The following KATNIP variants were observed in gnomAD, a reference collection of about 807,000 sequenced individuals.
The protein encoded by KATNIP is katanin interacting protein, also known as katanin-interacting protein.
In KATNIP, 126 loss-of-function variants were observed where a neutral mutation model predicts 174.0. The ratio of observed to expected loss-of-function variants is 0.72; its 90% CI spans 0.63 to 0.84. KATNIP has a LOEUF of 0.84. KATNIP is among the 40% of genes least tolerant of loss of function. KATNIP has a pLI of 0.00. For missense variants in KATNIP, 1,958 were observed against 2,109.7 expected (o/e 0.93, Z 1.41); for synonymous variants, 810 against 835.7 (o/e 0.97, Z 0.53).
chr16:27,736,781 A>T (rs1219787781), intron 14 of KATNIP, among the ~76,000 whole-genome samples: 1 of 152,178 alleles, frequency 6.6e-6, no homozygotes, highest in African/African-American at 2.4e-5. Context: ...TGCTGTGTGG[A>T]AAATGAAGTG....
intron 19 of KATNIP, among the ~76,000 whole-genome samples, chr16:27,764,510 G>A (rs1408678674): frequency 2.6e-5 from 4 of 152,234 alleles, no homozygotes; most frequent in Non-Finnish European, 4.4e-5. Flanking sequence ...CCTGGCATCA[G>A]CCATTTCTCC....
intron 1 of KATNIP, among the ~76,000 whole-genome samples, chr16:27,564,276 C>T (rs1596727327): frequency 6.6e-6 from 1 of 152,212 alleles, no homozygotes; most frequent in African/African-American, 2.4e-5. Flanking sequence ...CATGTAGTGC[C>T]TTAACCCTGA....
chr16:27,759,319 G>A (rs2081862253), intron 18 of KATNIP, among the ~76,000 whole-genome samples: 1 of 152,184 alleles, frequency 6.6e-6, no homozygotes, highest in Admixed American at 6.5e-5. Flanking sequence ...GATGTAGAGA[G>A]TGATGGGGTG....
At chr16:27,555,105 A>G (rs1474951374) in intron 1 of KATNIP, among the ~76,000 whole-genome samples, 1 of 151,960 alleles carries the variant, frequency 6.6e-6, no homozygotes, top group East Asian at 1.9e-4. Flanking sequence ...GCCCTGATTT[A>G]TACATAATTT....
At chr16:27,572,049 C>T (rs2090322998) in intron 1 of KATNIP, among the ~76,000 whole-genome samples, 1 of 151,638 alleles carries the variant, frequency 6.6e-6, no homozygotes. Flanking sequence ...TTAGAGCGTT[C>T]AGCAAAATTG....
intron 6 of KATNIP, chr16:27,654,480 A>C (rs972682762): frequency 1.8e-5 from 13 of 736,468 alleles, no homozygotes; most frequent in Non-Finnish European, 2.7e-5. Flanking sequence ...TTTAGGAGCA[A>C]GAGCAGAGGG....
intron 5 of KATNIP, among the ~76,000 whole-genome samples, chr16:27,638,700 G>A (rs2076707619): frequency 6.6e-6 from 1 of 152,184 alleles, no homozygotes; most frequent in Non-Finnish European, 1.5e-5. Context: ...ACATTGGTCA[G>A]CAGGGGACAC....
chr16:27,698,570 G>A (rs1198712624), intron 9 of KATNIP, 70 bp downstream of exon 9: 1 of 1,453,968 alleles, frequency 6.9e-7, no homozygotes, highest in African/African-American at 1.4e-5. Context: ...CTGCAGTTGA[G>A]AAGAGCAAGT....
chr16:27,706,931 A>G (rs1468414713), intron 12 of KATNIP, among the ~76,000 whole-genome samples: 2 of 152,232 alleles, frequency 1.3e-5, no homozygotes, highest in East Asian at 3.9e-4. Context: ...CCTGGGACTC[A>G]GACCCAGGGC....
chr16:27,773,214 C>A lies in KATNIP; in HGVS notation c.4309+5C>A. 6.3e-7 allele frequency: 1 copy of A among 1,591,144 alleles called. No individual in the cohort carries two copies. Among genetic ancestry groups the A allele is most frequent in the East Asian group, 2.2e-5 (1 of 44,690 alleles). ...AAATCCCCTTGTCGGAAAACAGTAT[C>A]CTTTGTAGGACAGGAGTGGGCTCCA... On this transcript the variant is annotated splice_donor_5th_base_variant and intron_variant, in intron 23 of 27. Transcript: ENST00000261588.
At chr16:27,588,970 T>TC (rs1027214358) in intron 2 of KATNIP, among the ~76,000 whole-genome samples, 3 of 140,566 alleles carry the variant, frequency 2.1e-5, no homozygotes, top group African/African-American at 7.9e-5. Context: ...CACTGCAACC[T>TC]CCGCCTTCCA....
intron 2 of KATNIP, among the ~76,000 whole-genome samples, chr16:27,600,732 CT>C (rs747524073): frequency 0.024 from 3,352 of 142,268 alleles, 44 homozygotes; most frequent in Non-Finnish European, 0.035. Context: ...GCTGCCTCCT[CT>C]TTTTTTTTTT....
intron 8 of KATNIP, among the ~76,000 whole-genome samples, chr16:27,694,819 A>T (rs9938487): frequency 0.17 from 25,330 of 151,638 alleles, 2,286 homozygotes; most frequent in African/African-American, 0.23. Flanking sequence ...ATAAATAAAT[A>T]AATTTACATA....
intron 2 of KATNIP, among the ~76,000 whole-genome samples, chr16:27,601,103 C>T (rs1291929424): frequency 1.3e-5 from 2 of 152,194 alleles, no homozygotes; most frequent in South Asian, 4.1e-4. Context: ...TCTCTCTACT[C>T]CAAGTTCCTT....
intron 2 of KATNIP, among the ~76,000 whole-genome samples, chr16:27,579,938 C>G (rs1400227005): frequency 6.6e-6 from 1 of 151,548 alleles, no homozygotes; most frequent in Non-Finnish European, 1.5e-5. Context: ...TCATTTTTCC[C>G]AAGCAGAAGA....
chr16:27,708,724 C>T lies in KATNIP; in HGVS notation c.1409C>T (p.Ala470Val). ...SDTEDKQRMR[A>V]DEIKDAIYVT... ...TTTAAGGACAAACAGAGAATGAGGG[C>T]AGACGAGATCAAAGATGCCATCTAC... is the stretch of plus-strand genomic sequence containing the variant. Residue 470 changes from alanine to valine, a missense_variant, in exon 13 of 28, where the codon GCA becomes GTA. Ala to Val is a moderately conservative substitution (Grantham distance 64). This residue lies in a region of KATNIP where 1,557 missense variants were observed against 1,617.8 expected (regional missense o/e 0.96). Coordinates refer to ENST00000261588, the MANE Select transcript of KATNIP (RefSeq NM_015202.5). 4 of 1,613,544 alleles carry T rather than the reference C, an allele frequency of 2.5e-6. No individual in the cohort carries two copies. Among genetic ancestry groups the T allele is most frequent in the Non-Finnish European group, 3.4e-6 (4 of 1,179,632 alleles).
At chr16:27,732,999 G>C (rs371247542) in intron 14 of KATNIP, among the ~76,000 whole-genome samples, 55 of 152,332 alleles carry the variant, frequency 3.6e-4, no homozygotes, top group African/African-American at 1.3e-3. Context: ...GACTCCAGTT[G>C]TGTCGCCATG....
At chr16:27,629,308 G>C (rs2076422515) in intron 4 of KATNIP, among the ~76,000 whole-genome samples, 1 of 152,130 alleles carries the variant, frequency 6.6e-6, no homozygotes, top group Non-Finnish European at 1.5e-5. Flanking sequence ...GTTTAAACTA[G>C]TCTTGGCCTC....
chr16:27,623,962 T>A (rs1348344249), intron 3 of KATNIP, among the ~76,000 whole-genome samples: 1 of 152,066 alleles, frequency 6.6e-6, no homozygotes, highest in Non-Finnish European at 1.5e-5. Context: ...AGCAAGTCCC[T>A]AAACCTCCCT....
Sources: allele counts gnomAD v4.1 joint callset (sites outside exome capture counted in the v4.1 genomes callset), GRCh38; gene constraint gnomAD v4.1.1; regional missense constraint gnomAD v4.1.1; transcripts MANE v1.5; gene names NCBI Gene and HGNC (gene_info 2026-07-23, HGNC 2026-07-21).